Variants in DNAH17 observed in about 807,000 individuals in gnomAD.
DNAH17 encodes axonemal beta dynein heavy chain 17.
In DNAH17, 376 loss-of-function variants were observed where a neutral mutation model predicts 485.6. That is an observed-to-expected ratio of 0.77 (90% CI 0.71 to 0.84). DNAH17 has a LOEUF of 0.84. DNAH17 is among the 40% of genes least tolerant of loss of function. The pLI, the probability that DNAH17 is intolerant of heterozygous loss-of-function variation, is 0.00. For synonymous variants in DNAH17, 3,031 were observed against 2,405.9 expected (o/e 1.26, Z -7.60); for missense variants, 6,370 against 5,839.3 (o/e 1.09, Z -2.96).
In DNAH17 at chr17:78,512,497, C is replaced by T. The variant is rs143549245; in HGVS notation, c.4114-1991G>A. 2.5e-3 allele frequency among the ~76,000 whole-genome samples: 378 copies of T among 152,282 alleles called. 1 individual carries two copies. The highest frequency in any genetic ancestry group is 8.3e-3 in the African/African-American group (346 of 41,556). On this transcript the variant is annotated intron_variant, in intron 26 of 80. Transcript: ENST00000389840. ...GTTGGCAGAATTTGCCACCAAAATA[C>T]GCCACTTTGGCTTAAGGTTTATTTT...
chr17:78,473,576 T>C (rs1233281619), intron 54 of DNAH17, among the ~76,000 whole-genome samples: 1 of 139,314 alleles, frequency 7.2e-6, no homozygotes, highest in African/African-American at 2.8e-5. Flanking sequence ...GAAATGACAG[T>C]GATAGCAAAG....
chr17:78,449,303 A>C (rs2087444672), intron 69 of DNAH17, 111 bp downstream of exon 69: 1 of 1,173,700 alleles, frequency 8.5e-7, no homozygotes, highest in Admixed American at 2.4e-5. Flanking sequence ...CGGGTTTGAA[A>C]TCACCAGGTT....
At position 78,542,965 on chromosome 17, in the gene DNAH17, G is replaced by A. The variant is rs149663676; in HGVS notation, c.2532+892C>T. Among the ~76,000 whole-genome samples the A allele has an allele frequency of 3.7e-4, 57 of 152,294 alleles. No homozygotes were observed. In the East Asian group the frequency reaches 6.9e-3, roughly 19 times the overall value. On this transcript the variant is annotated intron_variant, in intron 17 of 80. Transcript: ENST00000389840. ...AGATTTGTTGACCTAGTATGAAGAC[G>A]TTACTTGGCCATACCCACATTGTGC...
At chr17:78,533,819 G>A (rs1186122907) in intron 19 of DNAH17, among the ~76,000 whole-genome samples, 1 of 151,984 alleles carries the variant, frequency 6.6e-6, no homozygotes, top group Non-Finnish European at 1.5e-5. Context: ...CAAATAGCTG[G>A]GATTACAGGC....
chr17:78,539,135 G>A (rs1288380987), intron 18 of DNAH17, among the ~76,000 whole-genome samples: 1 of 152,108 alleles, frequency 6.6e-6, no homozygotes, highest in African/African-American at 2.4e-5. Context: ...GGAGGCTGAG[G>A]TAGAGAACTG....
In DNAH17 at chr17:78,562,633, A is replaced by G. The variant is rs1303220888; in HGVS notation, c.1570-653T>C. 2.0e-5 allele frequency among the ~76,000 whole-genome samples: 3 copies of G among 152,192 alleles called. No individual in the cohort carries two copies. The East Asian group carries it at 5.8e-4, about 29-fold the overall frequency. ...CAAGACCCTGTCTCCAGAAAAAACAAACCCAAAACAACTCCAAGTAAACAA... is the reference window on the plus strand; with the variant it reads ...CAAGACCCTGTCTCCAGAAAAAACAGACCCAAAACAACTCCAAGTAAACAA... On this transcript the variant is annotated intron_variant, in intron 11 of 80. Coordinates refer to ENST00000389840, the MANE Select transcript of DNAH17 (RefSeq NM_173628.4).
At chr17:78,432,213 A>AAATAAATAAATAAAATT (rs1568042512) in intron 75 of DNAH17, among the ~76,000 whole-genome samples, 120 of 151,664 alleles carry the variant, frequency 7.9e-4, no homozygotes, top group Middle Eastern at 3.4e-3. Flanking sequence ...TAAAATAAAT[A>AAATAAATAAATAAAATT]AAAATTAAAA....
chr17:78,532,509 C>T lies in DNAH17; in HGVS notation c.3087G>A (p.Pro1029=), dbSNP rs11868065. 834,982 of 1,609,368 alleles carry T rather than the reference C, an allele frequency of 0.52. 217,936 individuals are homozygous for T. Among genetic ancestry groups the T allele is most frequent in the Middle Eastern group, 0.55 (2,989 of 5,392 alleles). ...GCTCCTGGAACTGAGCCAGGGTGGG[C>T]GGTGTCTTGGGGATGGTGTCATCTG... ...TWTDDTIPKT[P]PTLAQFQEQI... The change falls in exon 20 of 81, where the codon CCG becomes CCA. Residue 1029 remains proline (P), a synonymous_variant. Transcript: ENST00000389840.
intron 18 of DNAH17, among the ~76,000 whole-genome samples, chr17:78,539,181 G>A (rs1479446305): frequency 6.6e-6 from 1 of 152,138 alleles, no homozygotes. Flanking sequence ...AGTGAGCTGA[G>A]ATCATGCTAC....
In DNAH17 at chr17:78,463,076, C is replaced by G; in HGVS notation, c.8942G>C (p.Trp2981Ser). The change falls in exon 57 of 81, where the codon TGG becomes TCG. Residue 2981 changes from tryptophan (W) to serine (S), a missense_variant and splice_region_variant. Coordinates refer to ENST00000389840, the MANE Select transcript of DNAH17 (RefSeq NM_173628.4). Reference sequence around the variant, plus strand: ...GAAGCTGATGGAGGCCTTGACTTCCCACTACAAAGATGAGACAGCCAGTCA... The same window carrying G: ...GAAGCTGATGGAGGCCTTGACTTCCGACTACAAAGATGAGACAGCCAGTCA... ...RFLEETEGIP[W>S]EVKASISFFM... 6.2e-7 allele frequency: 1 copy of G among 1,613,564 alleles called. No homozygotes were observed. Among genetic ancestry groups the G allele is most frequent in the Non-Finnish European group, 8.5e-7 (1 of 1,179,688 alleles).
At chr17:78,527,047 A>G in intron 22 of DNAH17, 51 bp from the exon 23 acceptor site, 1 of 1,433,144 alleles carries the variant, frequency 7.0e-7, no homozygotes. Context: ...CTTTTCTTAA[A>G]CCTTCTATTG....
At chr17:78,470,306 G>A (rs897066856) in intron 54 of DNAH17, among the ~76,000 whole-genome samples, 23 of 150,568 alleles carry the variant, frequency 1.5e-4, no homozygotes, top group Non-Finnish European at 2.2e-4. Context: ...GACCTCAAGT[G>A]ATCTGCCCAC....
At position 78,444,804 on chromosome 17, in the gene DNAH17, G is replaced by T. The variant is rs764651314; in HGVS notation, c.11335-7C>A. On this transcript the variant is annotated splice_polypyrimidine_tract_variant and splice_region_variant and intron_variant, in intron 70 of 80. Transcript: ENST00000389840. The stretch of plus-strand genomic sequence containing the variant: ...CATCCATCTCCGAGAGGGCCTAGGG[G>T]CAGAGGCAGCGGGCCCTGTGACTCT... 5 of 1,555,590 alleles carry T rather than the reference G, an allele frequency of 3.2e-6. No individual in the cohort carries two copies. The Admixed American group carries it at 6.0e-5, about 19-fold the overall frequency.
intron 67 of DNAH17, 30 bp downstream of exon 67, chr17:78,450,652 G>A (rs747860908): frequency 1.2e-5 from 19 of 1,598,396 alleles, no homozygotes; most frequent in Non-Finnish European, 1.5e-5. Context: ...AGCCCTGGCT[G>A]CCAGGGCACG....
chr17:78,575,183 G>T, intron 1 of DNAH17, 101 bp from the exon 2 acceptor site: 3 of 843,874 alleles, frequency 3.6e-6, no homozygotes, highest in African/African-American at 1.7e-5. Flanking sequence ...ACCGGAGCAG[G>T]AACAAAACAG....
intron 11 of DNAH17, among the ~76,000 whole-genome samples, chr17:78,563,529 C>G (rs2092204026): frequency 6.6e-6 from 1 of 152,134 alleles, no homozygotes; most frequent in Admixed American, 6.5e-5. Context: ...AACCGACACA[C>G]CTGTAATCCC....
At chr17:78,497,550 C>T (rs1290222544) in intron 37 of DNAH17, among the ~76,000 whole-genome samples, 4 of 152,306 alleles carry the variant, frequency 2.6e-5, no homozygotes, top group East Asian at 1.9e-4. Flanking sequence ...TCATGGACGT[C>T]GGAGGTGCTC....
Position 78,530,327 on chromosome 17 carries a change from A to C in DNAH17, c.3284+16T>G, listed in dbSNP as rs766469217. On this transcript the variant is annotated intron_variant, in intron 21 of 80. Transcript: ENST00000389840. The stretch of plus-strand genomic sequence containing the variant: ...CACATTCCTTGGGCTCCCCGAGTAC[A>C]TGGCTGGGGACCCACCTGTTGGTGA... The C allele has an allele frequency of 3.1e-6, 5 of 1,595,514 alleles. No homozygotes were observed. The South Asian group carries it at 5.6e-5, about 18-fold the overall frequency.
chr17:78,434,470 A>G (rs1237663988), intron 74 of DNAH17, among the ~76,000 whole-genome samples: 2 of 152,142 alleles, frequency 1.3e-5, no homozygotes, highest in Non-Finnish European at 2.9e-5. Flanking sequence ...ACTTAACTAC[A>G]AGTTGAATTA....
Sources: allele counts gnomAD v4.1 joint callset (sites outside exome capture counted in the v4.1 genomes callset), GRCh38; gene constraint gnomAD v4.1.1; transcripts MANE v1.5; gene names NCBI Gene and HGNC (gene_info 2026-07-23, HGNC 2026-07-21).